The following PTPRM variants were observed in gnomAD, a reference collection of about 807,000 sequenced individuals.
PTPRM encodes receptor-type tyrosine-protein phosphatase mu.
A neutral mutation model predicts 186.7 loss-of-function variants in PTPRM; 47 were observed. The ratio of observed to expected loss-of-function variants is 0.25; its 90% CI spans 0.20 to 0.32. The LOEUF is 0.32. PTPRM is among the 10% of genes least tolerant of loss of function. The pLI, the probability that PTPRM is intolerant of heterozygous loss-of-function variation, is 1.00. For synonymous variants in PTPRM, 668 were observed against 674.9 expected (o/e 0.99, Z 0.16); for missense variants, 1,494 against 1,865.0 (o/e 0.80, Z 3.66).
At chr18:7,913,534 A>C (rs1214215986) in intron 4 of PTPRM, among the ~76,000 whole-genome samples, 1 of 152,164 alleles carries the variant, frequency 6.6e-6, no homozygotes, top group Non-Finnish European at 1.5e-5. Context: ...TTTTATCAAG[A>C]AATGCTGTTG....
intron 2 of PTPRM, among the ~76,000 whole-genome samples, chr18:7,840,357 A>T (rs2046264144): frequency 6.6e-6 from 1 of 152,244 alleles, no homozygotes; most frequent in Non-Finnish European, 1.5e-5. Context: ...ATGTGTGATT[A>T]GTTGAGAACT....
At chr18:8,392,742 C>A (rs116326649) in intron 31 of PTPRM, among the ~76,000 whole-genome samples, 1,798 of 152,148 alleles carry the variant, frequency 0.012, 43 homozygotes, top group African/African-American at 0.041. Flanking sequence ...AGAAATAAAA[C>A]AGGCTGGGGA....
At chr18:7,794,489 A>G (rs909345300) in intron 2 of PTPRM, among the ~76,000 whole-genome samples, 2 of 152,114 alleles carry the variant, frequency 1.3e-5, no homozygotes, top group Non-Finnish European at 2.9e-5. Flanking sequence ...CCACCTGGGT[A>G]TGTCGTGGTG....
chr18:8,208,621 CCCAT>C (rs888926631), intron 14 of PTPRM, among the ~76,000 whole-genome samples: 28 of 152,178 alleles, frequency 1.8e-4, no homozygotes, highest in African/African-American at 6.5e-4. Context: ...AAGTGATCCT[CCCAT>C]CTCAGCCTCC....
intron 19 of PTPRM, among the ~76,000 whole-genome samples, chr18:8,279,672 A>C (rs553827013): frequency 6.6e-6 from 1 of 152,220 alleles, no homozygotes; most frequent in African/African-American, 2.4e-5. Flanking sequence ...TGATAACAAC[A>C]CCTCTAAAAA....
intron 1 of PTPRM, among the ~76,000 whole-genome samples, chr18:7,752,502 C>T (rs1302662245): frequency 6.6e-6 from 1 of 152,200 alleles, no homozygotes; most frequent in Non-Finnish European, 1.5e-5. Flanking sequence ...CGGCTCACTG[C>T]AACCTCTGCT....
chr18:8,323,804 C>T (rs1350377509), intron 22 of PTPRM, among the ~76,000 whole-genome samples: 2 of 152,048 alleles, frequency 1.3e-5, no homozygotes, highest in Admixed American at 6.6e-5. Flanking sequence ...TCCATAGGAC[C>T]GCCCAGCCAT....
chr18:8,129,048 C>G lies in PTPRM; in HGVS notation c.2167+14221C>G, dbSNP rs115994084. ...CGTTAATTTGGTGTATTACGCATATCCAAAAAGAATACTGAAAAGAAAGTT... is the reference window on the plus strand; with the variant it reads ...CGTTAATTTGGTGTATTACGCATATGCAAAAAGAATACTGAAAAGAAAGTT... On this transcript the variant is annotated intron_variant, in intron 13 of 32. Transcript: ENST00000580170. Among the ~76,000 whole-genome samples, 1,211 of 151,894 alleles carry G rather than the reference C, an allele frequency of 8.0e-3. 14 individuals carry two copies. The highest frequency in any genetic ancestry group is 0.028 in the African/African-American group (1,147 of 41,434).
At chr18:7,941,433 C>T (rs1323102723) in intron 5 of PTPRM, among the ~76,000 whole-genome samples, 1 of 152,204 alleles carries the variant, frequency 6.6e-6, no homozygotes, top group Admixed American at 6.5e-5. Flanking sequence ...GATGCTAAAT[C>T]AGAACTCTAT....
intron 1 of PTPRM, among the ~76,000 whole-genome samples, chr18:7,576,060 A>G (rs1008255650): frequency 3.0e-4 from 45 of 152,260 alleles, no homozygotes; most frequent in African/African-American, 1.1e-3. Flanking sequence ...TACAGGAGAG[A>G]TGAATGAGAG....
At chr18:7,742,457 C>T (rs1213198130) in intron 1 of PTPRM, among the ~76,000 whole-genome samples, 1 of 152,150 alleles carries the variant, frequency 6.6e-6, no homozygotes, top group African/African-American at 2.4e-5. Context: ...GTCATTCAGC[C>T]AGCCATCTGG....
intron 26 of PTPRM, 190 bp from the exon 27 acceptor site, chr18:8,378,075 G>A (rs556252684): frequency 5.8e-5 from 33 of 570,124 alleles, no homozygotes; most frequent in African/African-American, 3.4e-4. Flanking sequence ...TATTGGGTCC[G>A]ATTGGTTTTA....
intron 19 of PTPRM, among the ~76,000 whole-genome samples, chr18:8,256,127 G>T (rs1422437730): frequency 6.6e-6 from 1 of 152,190 alleles, no homozygotes; most frequent in Non-Finnish European, 1.5e-5. Context: ...CCATCATGCT[G>T]TAAAGTCTGC....
intron 1 of PTPRM, among the ~76,000 whole-genome samples, chr18:7,769,689 T>G (rs1452206234): frequency 6.6e-6 from 1 of 152,190 alleles, no homozygotes; most frequent in Non-Finnish European, 1.5e-5. Context: ...AATTTTTATG[T>G]TATTGTGTTG....
At chr18:7,830,172 A>T (rs1316480132) in intron 2 of PTPRM, among the ~76,000 whole-genome samples, 2 of 152,004 alleles carry the variant, frequency 1.3e-5, no homozygotes, top group African/African-American at 4.8e-5. Flanking sequence ...CCAAACCCAC[A>T]TTTCCTGTGG....
chr18:8,236,003 C>A (rs55948899), intron 14 of PTPRM, among the ~76,000 whole-genome samples: 2,142 of 152,242 alleles, frequency 0.014, 38 homozygotes, highest in East Asian at 0.087. Context: ...TGCGGTCTAT[C>A]TGGTGAATGT....
intron 5 of PTPRM, among the ~76,000 whole-genome samples, chr18:7,947,746 C>T (rs1478548763): frequency 1.3e-5 from 2 of 152,158 alleles, no homozygotes; most frequent in Non-Finnish European, 2.9e-5. Flanking sequence ...TCACATGTCA[C>T]TTCCTCAGAC....
At chr18:8,002,584 C>T (rs76577055) in intron 7 of PTPRM, among the ~76,000 whole-genome samples, 3,253 of 152,236 alleles carry the variant, frequency 0.021, 45 homozygotes, top group African/African-American at 0.044. Flanking sequence ...CTCCTGTGTC[C>T]GTGATTGTCA....
At chr18:7,806,228 G>A (rs1464978067) in intron 2 of PTPRM, among the ~76,000 whole-genome samples, 1 of 152,086 alleles carries the variant, frequency 6.6e-6, no homozygotes, top group African/African-American at 2.4e-5. Context: ...TGTCAAATTT[G>A]GTCTGCAAAT....
Sources: gnomAD v4.1 joint callset for allele counts (sites outside exome capture counted in the v4.1 genomes callset) on GRCh38, gnomAD v4.1.1 for gene constraint, MANE v1.5 for transcripts, NCBI Gene and HGNC (gene_info 2026-07-23, HGNC 2026-07-21) for gene names.